The following ACADL variants were observed in gnomAD, a reference collection of about 807,000 sequenced individuals.
ACADL encodes long-chain specific acyl-CoA dehydrogenase, mitochondrial.
ACADL carries 60 observed loss-of-function variants against 56.9 expected under a neutral mutation model. That is an observed-to-expected ratio of 1.05 (90% CI 0.86 to 1.31). The LOEUF (loss-of-function observed/expected upper bound fraction) is 1.31, where lower values mean the gene tolerates loss of function less well. ACADL is among the 50% of genes most tolerant of loss of function. The pLI, the probability that ACADL is intolerant of heterozygous loss-of-function variation, is 0.00. For missense variants in ACADL, 484 were observed against 525.5 expected (o/e 0.92, Z 0.77); for synonymous variants, 158 against 179.7 (o/e 0.88, Z 0.97).
chr2:210,196,604 C>T (rs577476792), intron 8 of ACADL, among the ~76,000 whole-genome samples: 24 of 152,284 alleles, frequency 1.6e-4, no homozygotes, highest in African/African-American at 5.5e-4. Context: ...TCTTGAGCCT[C>T]CCTCAGGAAA....
chr2:210,207,783 AGTG>A (rs1304420351), intron 5 of ACADL, among the ~76,000 whole-genome samples: 1 of 152,218 alleles, frequency 6.6e-6, no homozygotes, highest in African/African-American at 2.4e-5. Flanking sequence ...AAATGAATAT[AGTG>A]GTGGCAGTAT....
rs919768960 is a variant in ACADL at position 210,211,060 on chromosome 2, G to A, written c.537-798C>T. Among the ~76,000 whole-genome samples, 6 of 152,000 alleles carry A rather than the reference G, an allele frequency of 3.9e-5. No individual in the cohort carries two copies. In the South Asian group the frequency reaches 1.2e-3, roughly 32 times the overall value. Reference sequence around the variant, plus strand: ...CAAATATTAGTAAATAAAATATTAAGAACACAGCAGTCCAAAGGAGAAAAA... The same window carrying A: ...CAAATATTAGTAAATAAAATATTAAAAACACAGCAGTCCAAAGGAGAAAAA... On this transcript the variant is annotated intron_variant, in intron 4 of 10. Transcript: ENST00000233710.
At chr2:210,219,194 T>G (rs1313158508) in intron 2 of ACADL, among the ~76,000 whole-genome samples, 1 of 152,216 alleles carries the variant, frequency 6.6e-6, no homozygotes, top group Non-Finnish European at 1.5e-5. Flanking sequence ...GCTCCTATTA[T>G]TTTATTTCAA....
chr2:210,210,791 A>T (rs1273240419), intron 4 of ACADL, among the ~76,000 whole-genome samples: 1 of 152,202 alleles, frequency 6.6e-6, no homozygotes, highest in East Asian at 1.9e-4. Flanking sequence ...ACAAAAAGTT[A>T]AAAAATTAGT....
In ACADL at chr2:210,211,354, G is replaced by A. The variant is rs1053861883; in HGVS notation, c.537-1092C>T. 4.6e-5 allele frequency among the ~76,000 whole-genome samples: 7 copies of A among 152,142 alleles called. No homozygotes were observed. In the East Asian group the frequency reaches 1.3e-3, roughly 29 times the overall value. On this transcript the variant is annotated intron_variant, in intron 4 of 10. Transcript: ENST00000233710. Reference sequence around the variant, plus strand: ...TTAATATCCTATAATAAACAGCAGAGTGTATAAACAGTCCACATTACTTGT... The same window carrying A: ...TTAATATCCTATAATAAACAGCAGAATGTATAAACAGTCCACATTACTTGT...
chr2:210,210,650 A>G (rs1688964981), intron 4 of ACADL, among the ~76,000 whole-genome samples: 1 of 152,260 alleles, frequency 6.6e-6, no homozygotes, highest in African/African-American at 2.4e-5. Context: ...TATTGATCAA[A>G]AATTTAGCTA....
At chr2:210,223,786 CTG>C (rs907066961) in intron 1 of ACADL, among the ~76,000 whole-genome samples, 16 of 152,092 alleles carry the variant, frequency 1.1e-4, no homozygotes, top group Non-Finnish European at 2.4e-4. Context: ...TTCATAAAAA[CTG>C]TTATTTATGT....
chr2:210,222,453 T>C (rs1028273860), intron 1 of ACADL, among the ~76,000 whole-genome samples: 5 of 149,062 alleles, frequency 3.4e-5, no homozygotes, highest in African/African-American at 1.3e-4. Flanking sequence ...GCTGAGGAGT[T>C]TGAAACCAGT....
At chr2:210,224,702 C>A (rs1689236933) in intron 1 of ACADL, 1 of 986,856 alleles carries the variant, frequency 1.0e-6, no homozygotes, top group Non-Finnish European at 1.2e-6. Flanking sequence ...CGCCGCAGCC[C>A]GGGCACTGAG....
chr2:210,198,075 G>C (rs556901954), intron 8 of ACADL, among the ~76,000 whole-genome samples: 1 of 152,320 alleles, frequency 6.6e-6, no homozygotes, highest in Non-Finnish European at 1.5e-5. Flanking sequence ...AGTGCTCTTA[G>C]TGAATGATCG....
At position 210,203,386 on chromosome 2, in the gene ACADL, G is replaced by A; in HGVS notation, c.929C>T (p.Thr310Ile). 6.3e-7 allele frequency: 1 copy of A among 1,589,796 alleles called. No individual in the cohort carries two copies. The highest frequency in any genetic ancestry group is 8.6e-7 in the Non-Finnish European group (1 of 1,159,664). ...ISASEFMFEE[T>I]RNYVKQRKAF... is the part of the protein sequence containing the mutation. ...TTTTCTTTGTTTAACATAGTTCCTG[G>A]TTTCTTCAAACATGAATTCACTAGC... The change falls in exon 8 of 11, where the codon ACC becomes ATC. Residue 310 changes from threonine to isoleucine, a missense_variant. Physicochemically the swap from Thr to Ile is moderately conservative, Grantham distance 89. Coordinates refer to ENST00000233710, the MANE Select transcript of ACADL (RefSeq NM_001608.4).
chr2:210,189,703 A>G (rs1386929521), intron 10 of ACADL, among the ~76,000 whole-genome samples: 1 of 152,104 alleles, frequency 6.6e-6, no homozygotes, highest in African/African-American at 2.4e-5. Context: ...TTTGATAGTC[A>G]TGATAACAAC....
chr2:210,192,146 C>T (rs1688643382), intron 10 of ACADL, among the ~76,000 whole-genome samples: 1 of 149,416 alleles, frequency 6.7e-6, no homozygotes, highest in African/African-American at 2.5e-5. Context: ...TTTCATATGC[C>T]AGTTAATTTT....
At chr2:210,192,547 C>T (rs1688650776) in intron 10 of ACADL, among the ~76,000 whole-genome samples, 1 of 151,926 alleles carries the variant, frequency 6.6e-6, no homozygotes, top group South Asian at 2.1e-4. Flanking sequence ...TGTCCTTCTA[C>T]ATAAGGATTC....
intron 8 of ACADL, among the ~76,000 whole-genome samples, chr2:210,202,480 G>A (rs1315988307): frequency 6.6e-6 from 1 of 152,084 alleles, no homozygotes; most frequent in Non-Finnish European, 1.5e-5. Context: ...ACTCATAGAT[G>A]TCCTTTGCTC....
rs1157069509 is a variant in ACADL, at chr2:210,204,563, T to C, written c.870+18A>G. On this transcript the variant is annotated intron_variant, in intron 7 of 10. Coordinates refer to ENST00000233710, the MANE Select transcript of ACADL (RefSeq NM_001608.4). ...TTCATTATTCAGTCAAAAGATGGAA[T>C]CTTTAAACACTTCTGACCTGTGGAA... 6.6e-7 allele frequency: 1 copy of C among 1,511,266 alleles called. No homozygotes were observed. Among genetic ancestry groups the C allele is most frequent in the African/African-American group, 1.4e-5 (1 of 72,640 alleles). 93.6% of individuals were successfully genotyped at this position (1,511,266 alleles called of 1,614,324 possible).
At position 210,197,048 on chromosome 2, in the gene ACADL, A is replaced by C. The variant is rs569555245; in HGVS notation, c.985-1710T>G. Among the ~76,000 whole-genome samples, 5 of 152,278 alleles carry C rather than the reference A, an allele frequency of 3.3e-5. No homozygotes were observed. The East Asian group carries it at 7.7e-4, about 23-fold the overall frequency. On this transcript the variant is annotated intron_variant, in intron 8 of 10. Coordinates refer to ENST00000233710, the MANE Select transcript of ACADL (RefSeq NM_001608.4). Reference sequence around the variant, plus strand: ...GTTTTGATACTTACCATTTCTGGAAAAGAGTAGAATGGGAGTGTAAAAAGA... The same window carrying C: ...GTTTTGATACTTACCATTTCTGGAACAGAGTAGAATGGGAGTGTAAAAAGA...
At position 210,216,404 on chromosome 2, in the gene ACADL, T is replaced by C; in HGVS notation, c.479A>G (p.Gln160Arg). The C allele has an allele frequency of 6.2e-7, 1 of 1,613,984 alleles. No individual in the cohort carries two copies. Among genetic ancestry groups the C allele is most frequent in the Non-Finnish European group, 8.5e-7 (1 of 1,179,864 alleles). Residue 160 changes from glutamine to arginine, a missense_variant, in exon 4 of 11, where the codon CAG (glutamine) becomes CGG (arginine). Transcript: ENST00000233710. Reference sequence around the variant, plus strand: ...ACCAATACATTTGCCTGCAGTCATCTGGGGAATAAAGTGCTTAATCTGTTC... The same window carrying C: ...ACCAATACATTTGCCTGCAGTCATCCGGGGAATAAAGTGCTTAATCTGTTC... ...SEEQIKHFIP[Q>R]MTAGKCIGAI...
At chr2:210,219,014 A>C (rs1162324231) in intron 2 of ACADL, among the ~76,000 whole-genome samples, 1 of 152,204 alleles carries the variant, frequency 6.6e-6, no homozygotes, top group African/African-American at 2.4e-5. Context: ...ATAGTGAAAA[A>C]ATATCTGAGA....
Sources: allele counts gnomAD v4.1 joint callset (sites outside exome capture counted in the v4.1 genomes callset), GRCh38; gene constraint gnomAD v4.1.1; transcripts MANE v1.5; gene names NCBI Gene and HGNC (gene_info 2026-07-23, HGNC 2026-07-21).